GPR158: variants seen among roughly 807,000 people sequenced by gnomAD.
GPR158 encodes the protein G protein-coupled receptor 158.
A neutral mutation model predicts 78.2 loss-of-function variants in GPR158; 30 were observed. The observed-to-expected ratio is 0.38, with a 90% CI of 0.29 to 0.52. GPR158 has a LOEUF of 0.52. Among genes scored for constraint, GPR158 ranks in the 20% least tolerant of loss-of-function variants. The pLI is 0.83. For missense variants in GPR158, 1,463 were observed against 1,523.5 expected, an observed-to-expected ratio of 0.96 and a Z score of 0.66; for synonymous variants, 581 against 591.1, an observed-to-expected ratio of 0.98 and a Z score of 0.25.
intron 4 of GPR158, among the ~76,000 whole-genome samples, chr10:25,438,725 T>G (rs1422072091): frequency 5.3e-5 from 8 of 152,182 alleles, no homozygotes; most frequent in Non-Finnish European, 1.0e-4. Flanking sequence ...ATAATATGGT[T>G]TCAAGGCATC....
chr10:25,221,014 C>A, intron 1 of GPR158, 38 bp from the exon 2 acceptor site: 2 of 1,051,516 alleles, frequency 1.9e-6, no homozygotes, highest in Non-Finnish European at 2.9e-6. Flanking sequence ...CATAAATGTC[C>A]AGATTAATTT....
At chr10:25,538,325 A>G (rs1272427683) in intron 5 of GPR158, among the ~76,000 whole-genome samples, 2 of 152,286 alleles carry the variant, frequency 1.3e-5, no homozygotes, top group East Asian at 3.9e-4. Flanking sequence ...CAGACATTCC[A>G]GGATATTTTC....
intron 2 of GPR158, among the ~76,000 whole-genome samples, chr10:25,359,615 T>G (rs752336121): frequency 9.9e-5 from 15 of 152,206 alleles, no homozygotes; most frequent in Non-Finnish European, 1.9e-4. Flanking sequence ...CGCACAGTAT[T>G]TCGTGGTATA....
At chr10:25,255,664 C>T (rs571306855) in intron 2 of GPR158, among the ~76,000 whole-genome samples, 5 of 152,278 alleles carry the variant, frequency 3.3e-5, no homozygotes, top group Non-Finnish European at 7.4e-5. Flanking sequence ...AGGAGATGGC[C>T]ATGTATTTCT....
chr10:25,390,364 G>T (rs1834277637), intron 2 of GPR158, among the ~76,000 whole-genome samples: 1 of 152,218 alleles, frequency 6.6e-6, no homozygotes, highest in Non-Finnish European at 1.5e-5. Flanking sequence ...CTTGTTGAAT[G>T]GTTTTGACCA....
At chr10:25,585,941 A>G (rs553195055) in intron 7 of GPR158, among the ~76,000 whole-genome samples, 1 of 152,260 alleles carries the variant, frequency 6.6e-6, no homozygotes, top group South Asian at 2.1e-4. Flanking sequence ...ATCGTGCCAC[A>G]ACACTCCAGC....
intron 2 of GPR158, among the ~76,000 whole-genome samples, chr10:25,238,256 G>A (rs1051103557): frequency 6.6e-6 from 1 of 152,128 alleles, no homozygotes; most frequent in Non-Finnish European, 1.5e-5. Context: ...CCCACCTCCC[G>A]AAGTAGATGA....
intron 4 of GPR158, among the ~76,000 whole-genome samples, chr10:25,426,416 C>T (rs2149636): frequency 0.7 from 106,400 of 152,036 alleles, 38,241 homozygotes; most frequent in Non-Finnish European, 0.8. Context: ...TCTCAGCTTT[C>T]GATATGCCTC....
At chr10:25,388,277 G>A (rs771058720) in intron 2 of GPR158, among the ~76,000 whole-genome samples, 23 of 152,246 alleles carry the variant, frequency 1.5e-4, no homozygotes, top group Admixed American at 6.5e-5. Flanking sequence ...TGAGGTGAGA[G>A]CGGTGGCAGC....
At position 25,243,406 on chromosome 10, in the gene GPR158, A is replaced by G. The variant is rs113272193; in HGVS notation, c.1008+22249A>G. Among the ~76,000 whole-genome samples, 96 of 152,314 alleles carry G rather than the reference A, an allele frequency of 6.3e-4. 2 individuals carry two copies. The highest frequency in any genetic ancestry group is 2.2e-3 in the African/African-American group (93 of 41,576). On this transcript the variant is annotated intron_variant, in intron 2 of 10. Transcript: ENST00000376351. ...GCATTCTGCTTATAAATTACTGCAT[A>G]TGTTTCAAATCCCATCACAAGTGGA...
At position 25,525,376 on chromosome 10, in the gene GPR158, C is replaced by T. The variant is rs371411906; in HGVS notation, c.1405-25600C>T. 7.9e-5 allele frequency among the ~76,000 whole-genome samples: 12 copies of T among 152,110 alleles called. No individual in the cohort carries two copies. In the East Asian group the frequency reaches 1.5e-3, roughly 20 times the overall value. ...TAATAGCTCAAAAGTGGAAGCAATT[C>T]GCATGTTCATTAACTGATGAATGGA... is the stretch of plus-strand genomic sequence containing the variant. On this transcript the variant is annotated intron_variant, in intron 5 of 10. Transcript: ENST00000376351.
At chr10:25,272,441 C>T (rs1416998983) in intron 2 of GPR158, among the ~76,000 whole-genome samples, 1 of 152,108 alleles carries the variant, frequency 6.6e-6, no homozygotes. Flanking sequence ...TCCTCTGCTT[C>T]CCTCTCCTTC....
intron 7 of GPR158, among the ~76,000 whole-genome samples, chr10:25,588,442 G>GA (rs1180628260): frequency 5.9e-5 from 9 of 152,206 alleles, no homozygotes; most frequent in Admixed American, 5.2e-4. Flanking sequence ...TCAACCCACA[G>GA]AAGACATGAT....
At chr10:25,226,358 A>G (rs560671159) in intron 2 of GPR158, among the ~76,000 whole-genome samples, 1 of 152,324 alleles carries the variant, frequency 6.6e-6, no homozygotes, top group South Asian at 2.1e-4. Context: ...GTCAAGCCAC[A>G]CAGGCTTTTT....
intron 3 of GPR158, among the ~76,000 whole-genome samples, chr10:25,400,697 G>T (rs1385976474): frequency 2.0e-5 from 3 of 152,100 alleles, no homozygotes; most frequent in African/African-American, 7.2e-5. Context: ...TCTTCCTCAC[G>T]TTCATCTATC....
At chr10:25,245,077 G>A (rs1171293652) in intron 2 of GPR158, among the ~76,000 whole-genome samples, 2 of 152,060 alleles carry the variant, frequency 1.3e-5, no homozygotes, top group African/African-American at 2.4e-5. Context: ...TCTTATTCCC[G>A]AGTTGGACTT....
At chr10:25,535,512 C>T (rs758088982) in intron 5 of GPR158, among the ~76,000 whole-genome samples, 19 of 152,176 alleles carry the variant, frequency 1.2e-4, no homozygotes, top group Non-Finnish European at 2.2e-4. Flanking sequence ...GTATCCTTCT[C>T]CAGTTTAGCC....
intron 4 of GPR158, among the ~76,000 whole-genome samples, chr10:25,464,093 A>G (rs186709942): frequency 1.8e-4 from 28 of 152,340 alleles, no homozygotes. Context: ...TCCAATTTAT[A>G]ATCTGAAATT....
In GPR158 at chr10:25,548,334, G is replaced by T. The variant is rs781170608; in HGVS notation, c.1405-2642G>T. On this transcript the variant is annotated intron_variant, in intron 5 of 10. Coordinates refer to ENST00000376351, the MANE Select transcript of GPR158 (RefSeq NM_020752.3). ...TAGTAGGAATTCAAAAGAAGGGGTG[G>T]CTGGGTTGATCAGAAAAGAATTTGT... Among the ~76,000 whole-genome samples, 34 of 152,204 alleles carry T rather than the reference G, an allele frequency of 2.2e-4. 1 individual carries two copies. The highest frequency in any genetic ancestry group is 3.4e-3 in the Middle Eastern group (1 of 294).
Sources: gnomAD v4.1 joint callset for allele counts (sites outside exome capture counted in the v4.1 genomes callset) on GRCh38, gnomAD v4.1.1 for gene constraint, MANE v1.5 for transcripts, NCBI Gene and HGNC (gene_info 2026-07-23, HGNC 2026-07-21) for gene names.